ADAMTS12: variants seen among roughly 807,000 people sequenced by gnomAD.
The protein encoded by ADAMTS12 is A disintegrin and metalloproteinase with thrombospondin motifs 12.
A neutral mutation model predicts 167.8 loss-of-function variants in ADAMTS12; 118 were observed. The observed-to-expected ratio is 0.70, with a 90% confidence interval of 0.61 to 0.82. The LOEUF is 0.82. ADAMTS12 is among the 40% of genes least tolerant of loss of function. The probability of loss-of-function intolerance (pLI) is 0.00; values close to 1 mark genes in which losing one functional copy is unlikely to be tolerated. For synonymous variants in ADAMTS12, 704 were observed against 716.9 expected (o/e 0.98, Z 0.29); for missense variants, 1,916 against 1,998.8 (o/e 0.96, Z 0.79).
chr5:33,593,529 G>A (rs563540114), intron 17 of ADAMTS12, among the ~76,000 whole-genome samples: 179 of 152,314 alleles, frequency 1.2e-3, no homozygotes, highest in Admixed American at 2.7e-3. Context: ...TGTGGAAACA[G>A]CTTGGAAAAT....
intron 2 of ADAMTS12, among the ~76,000 whole-genome samples, chr5:33,879,789 T>C (rs1401259020): frequency 6.6e-6 from 1 of 152,220 alleles, no homozygotes; most frequent in African/African-American, 2.4e-5. Context: ...TCTCACAGTA[T>C]TCTAGCAAAG....
At position 33,637,621 on chromosome 5, in the gene ADAMTS12, G is replaced by T. The variant is rs1396169944; in HGVS notation, c.1844C>A (p.Pro615His). ...QMQCSEFDTV[P>H]YKNELYHWFP... ...CCAGTGGTAGAGTTCATTCTTGTAG[G>T]GAACAGTGTCAAATTCACTGCACTG... The change falls in exon 12 of 24, where the codon CCC (proline) becomes CAC (histidine). Residue 615 changes from proline (P) to histidine (H), a missense_variant. Physicochemically the swap from Pro to His is moderately conservative, Grantham distance 77. Transcript: ENST00000504830. 1.9e-6 allele frequency: 3 copies of T among 1,613,652 alleles called. No individual in the cohort carries two copies. The highest frequency in any genetic ancestry group is 1.7e-5 in the Admixed American group (1 of 60,008).
chr5:33,657,239 G>T (rs1741094989), intron 7 of ADAMTS12, among the ~76,000 whole-genome samples: 2 of 152,136 alleles, frequency 1.3e-5, no homozygotes. Context: ...GAGAGGCCAG[G>T]CCTGGAATAA....
chr5:33,833,019 A>T (rs1328627911), intron 2 of ADAMTS12, among the ~76,000 whole-genome samples: 1 of 152,132 alleles, frequency 6.6e-6, no homozygotes, highest in Non-Finnish European at 1.5e-5. Flanking sequence ...CTCTCTAGTC[A>T]TTGATCTTCC....
In ADAMTS12 at chr5:33,669,197, C is replaced by A. The variant is rs909030425; in HGVS notation, c.916-7157G>T. On this transcript the variant is annotated intron_variant, in intron 5 of 23. Coordinates refer to ENST00000504830, the MANE Select transcript of ADAMTS12 (RefSeq NM_030955.4). ...AAATCATAATTCTTTACAGTCCTCC[C>A]TGAATTATTATGATTTCTAAAGCTA... Among the ~76,000 whole-genome samples the A allele has an allele frequency of 3.9e-5, 6 of 152,208 alleles. No individual in the cohort carries two copies. In the East Asian group the frequency reaches 5.8e-4, roughly 15 times the overall value.
chr5:33,849,855 A>G (rs1250257025), intron 2 of ADAMTS12, among the ~76,000 whole-genome samples: 1 of 151,300 alleles, frequency 6.6e-6, no homozygotes, highest in Non-Finnish European at 1.5e-5. Flanking sequence ...AGCAATATAC[A>G]TTGTATCAAT....
intron 2 of ADAMTS12, among the ~76,000 whole-genome samples, chr5:33,803,989 C>T (rs1747119252): frequency 6.6e-6 from 1 of 152,138 alleles, no homozygotes; most frequent in South Asian, 2.1e-4. Context: ...AGCTGTGCTG[C>T]CTATTGGCTG....
At chr5:33,704,725 T>G (rs887316149) in intron 3 of ADAMTS12, among the ~76,000 whole-genome samples, 1 of 152,186 alleles carries the variant, frequency 6.6e-6, no homozygotes, top group Non-Finnish European at 1.5e-5. Context: ...GGGATACATT[T>G]TGGATTTTAA....
At chr5:33,550,419 A>G (rs541861362) in intron 20 of ADAMTS12, among the ~76,000 whole-genome samples, 9 of 152,082 alleles carry the variant, frequency 5.9e-5, no homozygotes, top group Non-Finnish European at 1.3e-4. Flanking sequence ...ACCTGGCCTG[A>G]CCAGTCTTGT....
intron 14 of ADAMTS12, 76 bp downstream of exon 14, chr5:33,624,155 C>T: frequency 6.3e-7 from 1 of 1,588,090 alleles, no homozygotes; most frequent in South Asian, 1.1e-5. Context: ...AAAACAAAAA[C>T]TAGGAACCAA....
chr5:33,770,563 C>G (rs993476106), intron 2 of ADAMTS12, among the ~76,000 whole-genome samples: 1 of 152,136 alleles, frequency 6.6e-6, no homozygotes, highest in East Asian at 1.9e-4. Flanking sequence ...AATATAAACT[C>G]AGAAAAATTC....
chr5:33,628,597 C>G (rs116372192), intron 13 of ADAMTS12, among the ~76,000 whole-genome samples: 1 of 151,980 alleles, frequency 6.6e-6, no homozygotes, highest in Non-Finnish European at 1.5e-5. Flanking sequence ...ATATTCACAA[C>G]GAATGCAGAT....
At chr5:33,876,974 G>A (rs1194967970) in intron 2 of ADAMTS12, among the ~76,000 whole-genome samples, 3 of 152,110 alleles carry the variant, frequency 2.0e-5, no homozygotes, top group Admixed American at 6.5e-5. Flanking sequence ...TCTCTCAAAA[G>A]TTTAACCCAT....
intron 6 of ADAMTS12, among the ~76,000 whole-genome samples, chr5:33,659,349 T>C (rs1741174509): frequency 6.6e-6 from 1 of 152,142 alleles, no homozygotes; most frequent in African/African-American, 2.4e-5. Context: ...GAGAGCGAGA[T>C]TATACAGCCC....
intron 19 of ADAMTS12, among the ~76,000 whole-genome samples, chr5:33,566,839 C>T (rs193261859): frequency 3.5e-4 from 53 of 152,294 alleles, no homozygotes; most frequent in Admixed American, 3.1e-3. Flanking sequence ...GTGATTTGTT[C>T]CACTTCAAGG....
In ADAMTS12 at chr5:33,527,032, G is replaced by A. The variant is rs112575027; in HGVS notation, c.*156C>T. 5.7e-5 allele frequency: 55 copies of A among 965,736 alleles called. No individual in the cohort carries two copies. The African/African-American group carries it at 7.2e-4, about 13-fold the overall frequency. 59.8% of individuals were successfully genotyped at this position (965,736 alleles called of 1,614,324 possible). ...CCTAGGCCTCCTGTGAGGGACATTC[G>A]GTGGCTAGAGGAACACAATGGATTT... On this transcript the variant is annotated 3_prime_UTR_variant, in exon 24 of 24. Coordinates refer to ENST00000504830, the MANE Select transcript of ADAMTS12 (RefSeq NM_030955.4).
chr5:33,646,745 C>A (rs891258053), intron 9 of ADAMTS12, among the ~76,000 whole-genome samples: 10 of 151,828 alleles, frequency 6.6e-5, no homozygotes, highest in Non-Finnish European at 2.9e-5. Context: ...GTTAAAAAAA[C>A]CCCAAACAGG....
chr5:33,722,408 C>T (rs957264481), intron 3 of ADAMTS12, among the ~76,000 whole-genome samples: 8 of 152,034 alleles, frequency 5.3e-5, no homozygotes, highest in South Asian at 2.1e-4. Context: ...TTGATTTTAA[C>T]GCTCAGAATC....
intron 2 of ADAMTS12, among the ~76,000 whole-genome samples, chr5:33,870,587 T>C (rs1400644441): frequency 6.6e-6 from 1 of 152,196 alleles, no homozygotes; most frequent in African/African-American, 2.4e-5. Context: ...GATAGTATTT[T>C]GCAATGTGAG....
Sources: gnomAD v4.1 joint callset for allele counts (sites outside exome capture counted in the v4.1 genomes callset) on GRCh38, gnomAD v4.1.1 for gene constraint, MANE v1.5 for transcripts, NCBI Gene and HGNC (gene_info 2026-07-23, HGNC 2026-07-21) for gene names.